The following RIMS2 variants were observed in gnomAD, a reference collection of about 807,000 sequenced individuals.
RIMS2 encodes regulating synaptic membrane exocytosis protein 2.
A neutral mutation model predicts 174.4 loss-of-function variants in RIMS2; 59 were observed. That is an observed-to-expected ratio of 0.34 (90% CI 0.27 to 0.42). The LOEUF (loss-of-function observed/expected upper bound fraction) is 0.42. Ranked by LOEUF, RIMS2 falls within the 10% of genes least tolerant of loss-of-function variation. The pLI, the probability that RIMS2 is intolerant of heterozygous loss-of-function variation, is 1.00. For missense variants in RIMS2, 1,620 were observed against 1,666.3 expected, an observed-to-expected ratio of 0.97 and a Z score of 0.48; for synonymous variants, 606 against 572.5, an observed-to-expected ratio of 1.06 and a Z score of -0.84.
intron 16 of RIMS2, among the ~76,000 whole-genome samples, chr8:103,985,909 A>G (rs1279886443): frequency 1.3e-5 from 2 of 152,192 alleles, no homozygotes; most frequent in African/African-American, 4.8e-5. Flanking sequence ...TATAGAATCT[A>G]AAAAGTTGCA....
intron 14 of RIMS2, among the ~76,000 whole-genome samples, chr8:103,956,217 C>A (rs1172683121): frequency 6.6e-6 from 1 of 152,166 alleles, no homozygotes; most frequent in African/African-American, 2.4e-5. Context: ...ATCAAGCTAC[C>A]ATTGACTTTC....
intron 3 of RIMS2, among the ~76,000 whole-genome samples, chr8:103,799,661 G>C (rs1005830856): frequency 1.3e-5 from 2 of 152,058 alleles, no homozygotes; most frequent in Admixed American, 6.6e-5. Flanking sequence ...TGGATATGAG[G>C]GGGTATTTTT....
At chr8:103,846,901 G>A (rs1305170968) in intron 3 of RIMS2, among the ~76,000 whole-genome samples, 1 of 152,004 alleles carries the variant, frequency 6.6e-6, no homozygotes, top group Non-Finnish European at 1.5e-5. Flanking sequence ...TGTACTTATG[G>A]TTTCCCATTT....
At chr8:104,163,915 C>T (rs2098780116) in intron 19 of RIMS2, among the ~76,000 whole-genome samples, 1 of 151,976 alleles carries the variant, frequency 6.6e-6, no homozygotes, top group Non-Finnish European at 1.5e-5. Flanking sequence ...ACATGTAATA[C>T]AGAAGTATAA....
At position 103,551,002 on chromosome 8, in the gene RIMS2, C is replaced by T. The variant is rs191500323; in HGVS notation, c.176+49940C>T. On this transcript the variant is annotated intron_variant, in intron 1 of 23. Transcript: ENST00000504942. ...GTCCAGGACCAGATGGATTCACAGC[C>T]GAATTCTACCAGAGGTACAAAGATG... Among the ~76,000 whole-genome samples the T allele has an allele frequency of 5.3e-5, 8 of 152,212 alleles. No individual in the cohort carries two copies. In the East Asian group the frequency reaches 9.7e-4, roughly 18 times the overall value.
At chr8:104,123,328 G>A (rs76697769) in intron 19 of RIMS2, among the ~76,000 whole-genome samples, 2,641 of 152,040 alleles carry the variant, frequency 0.017, 132 homozygotes, top group East Asian at 0.15. Flanking sequence ...ATTCTGAAAA[G>A]TCTGGTACAC....
intron 1 of RIMS2, among the ~76,000 whole-genome samples, chr8:103,655,635 T>A (rs2096520798): frequency 6.6e-6 from 1 of 152,148 alleles, no homozygotes; most frequent in East Asian, 1.9e-4. Context: ...CCTAATATAG[T>A]AATCCTCTTT....
intron 5 of RIMS2, 69 bp from the exon 8 acceptor site, chr8:103,910,252 C>T (rs1399745264): frequency 6.6e-7 from 1 of 1,509,120 alleles, no homozygotes; most frequent in East Asian, 2.3e-5. Context: ...TTTCACTTTT[C>T]CTTTTTTATT....
intron 11 of RIMS2, among the ~76,000 whole-genome samples, chr8:103,930,658 C>T (rs1444638373): frequency 6.6e-6 from 1 of 151,986 alleles, no homozygotes; most frequent in Non-Finnish European, 1.5e-5. Flanking sequence ...TATTCATCAA[C>T]TTCACAAAAG....
At chr8:103,964,379 CTTG>C (rs887099039) in intron 15 of RIMS2, among the ~76,000 whole-genome samples, 1 of 152,070 alleles carries the variant, frequency 6.6e-6, no homozygotes, top group African/African-American at 2.4e-5. Context: ...ATAGTGGTAT[CTTG>C]TTGTTTTTAT....
At chr8:103,641,223 GTTAT>G (rs997127163) in intron 1 of RIMS2, among the ~76,000 whole-genome samples, 1 of 151,976 alleles carries the variant, frequency 6.6e-6, no homozygotes, top group African/African-American at 2.4e-5. Context: ...ATTGCTTGGT[GTTAT>G]TTATTTATTC....
chr8:103,684,220 A>C (rs1590265133), intron 1 of RIMS2, among the ~76,000 whole-genome samples: 1 of 151,968 alleles, frequency 6.6e-6, no homozygotes, highest in Non-Finnish European at 1.5e-5. Context: ...CCATCACTCT[A>C]CTCCAGCCCC....
intron 1 of RIMS2, among the ~76,000 whole-genome samples, chr8:103,636,788 A>ACC (rs768545308): frequency 7.6e-4 from 33 of 43,590 alleles, no homozygotes; most frequent in East Asian, 5.3e-3. Flanking sequence ...CCACCCCCGC[A>ACC]CCCCCCCCCC....
chr8:103,572,299 C>T (rs1012819234), intron 1 of RIMS2, among the ~76,000 whole-genome samples: 4 of 152,188 alleles, frequency 2.6e-5, no homozygotes, highest in Non-Finnish European at 5.9e-5. Flanking sequence ...CGGGTTGCTG[C>T]TGCTGGCTCG....
At chr8:103,757,786 G>A (rs543715880) in intron 2 of RIMS2, among the ~76,000 whole-genome samples, 1 of 152,296 alleles carries the variant, frequency 6.6e-6, no homozygotes, top group South Asian at 2.1e-4. Context: ...AAGAGAAGGC[G>A]ATGTGAAGAT....
intron 2 of RIMS2, among the ~76,000 whole-genome samples, chr8:103,747,798 G>T (rs1591555930): frequency 6.6e-6 from 1 of 152,244 alleles, no homozygotes; most frequent in East Asian, 1.9e-4. Context: ...TCCGTGTAAA[G>T]GTCTGAAATT....
At chr8:104,218,626 C>T (rs2099141807) in intron 19 of RIMS2, among the ~76,000 whole-genome samples, 1 of 152,124 alleles carries the variant, frequency 6.6e-6, no homozygotes, top group Admixed American at 6.5e-5. Context: ...ACAGTCCTAT[C>T]TCGGGGTGAT....
At chr8:103,784,014 G>A (rs1368933487) in intron 3 of RIMS2, among the ~76,000 whole-genome samples, 8 of 151,646 alleles carry the variant, frequency 5.3e-5, no homozygotes, top group East Asian at 1.9e-4. Flanking sequence ...TTCTCTGATG[G>A]TCAGTGATGG....
intron 17 of RIMS2, among the ~76,000 whole-genome samples, chr8:103,993,585 G>C (rs1450652995): frequency 6.6e-6 from 1 of 151,950 alleles, no homozygotes; most frequent in Non-Finnish European, 1.5e-5. Flanking sequence ...AAATTATGAA[G>C]TAAATGAAAA....
Sources: gnomAD v4.1 joint callset for allele counts (sites outside exome capture counted in the v4.1 genomes callset) on GRCh38, gnomAD v4.1.1 for gene constraint, MANE v1.5 for transcripts, NCBI Gene and HGNC (gene_info 2026-07-23, HGNC 2026-07-21) for gene names.